Variants in LDB2 observed in about 807,000 individuals in gnomAD.
The protein encoded by LDB2 is LIM domain binding 2, also known as LIM domain-binding protein 2.
A neutral mutation model predicts 44.3 loss-of-function variants in LDB2; 12 were observed. The ratio of observed to expected loss-of-function variants is 0.27; its 90% CI spans 0.17 to 0.44. The LOEUF (loss-of-function observed/expected upper bound fraction) is 0.44. LDB2 is among the 20% of genes least tolerant of loss of function. The pLI is 1.00. For missense variants in LDB2, 344 were observed against 473.5 expected, an observed-to-expected ratio of 0.73 and a Z score of 2.54; for synonymous variants, 164 against 174.8, an observed-to-expected ratio of 0.94 and a Z score of 0.49.
chr4:16,716,458 T>C (rs951322266), intron 2 of LDB2, among the ~76,000 whole-genome samples: 3 of 152,202 alleles, frequency 2.0e-5, no homozygotes, highest in African/African-American at 7.2e-5. Flanking sequence ...CAGGCTCTGA[T>C]GTGGGAGCTA....
intron 3 of LDB2, among the ~76,000 whole-genome samples, chr4:16,592,453 G>T: frequency 8.9e-6 from 1 of 112,050 alleles, no homozygotes; most frequent in East Asian, 2.7e-4. Flanking sequence ...GCATTCATAT[G>T]CATTATACAT....
chr4:16,502,337 C>A lies in LDB2; in HGVS notation c.*306G>T. The A allele has an allele frequency of 3.0e-6, 1 of 333,784 alleles. No homozygotes were observed. The highest frequency in any genetic ancestry group is 5.6e-6 in the Non-Finnish European group (1 of 179,188). The allele number at this position is 333,784 out of a possible 1,614,324, so 20.7% of individuals were successfully genotyped here. On this transcript the variant is annotated 3_prime_UTR_variant, in exon 8 of 8. Coordinates refer to ENST00000304523, the MANE Select transcript of LDB2 (RefSeq NM_001290.5). ...TTTGATGCATAAAAAGGAAATTCAA[C>A]ACAAACACGTTGTTAAAACCGTGCC...
rs1172207169 is a variant in LDB2 at position 16,766,508 on chromosome 4, A to AT, written c.133-7249dup. ...TGTGTGTGTGTGTGTGTGTGTGTATATATTTTTTTTTTTTTGAGACAGAAT... is the reference window on the plus strand; with the variant it reads ...TGTGTGTGTGTGTGTGTGTGTGTATATTATTTTTTTTTTTTTGAGACAGAAT... On this transcript the variant is annotated intron_variant, in intron 1 of 7. Transcript: ENST00000304523. 3.3e-3 allele frequency among the ~76,000 whole-genome samples: 189 copies of AT among 57,032 alleles called. 3 individuals carry two copies. The highest frequency in any genetic ancestry group is 0.012 in the African/African-American group (180 of 15,574). 37.4% of individuals were successfully genotyped at this position (57,032 alleles called of 152,430 possible). A position where few individuals can be genotyped will look rare whatever the true frequency, so the allele number is the denominator to read the frequency against.
intron 2 of LDB2, among the ~76,000 whole-genome samples, chr4:16,693,109 G>A (rs1751186474): frequency 6.6e-6 from 1 of 152,158 alleles, no homozygotes; most frequent in Non-Finnish European, 1.5e-5. Flanking sequence ...CTTGGCTTCA[G>A]GCAGGATATT....
intron 2 of LDB2, among the ~76,000 whole-genome samples, chr4:16,678,066 C>T (rs1456526357): frequency 6.6e-6 from 1 of 152,144 alleles, no homozygotes; most frequent in African/African-American, 2.4e-5. Context: ...TTAGGACCAG[C>T]AGTAGATCAG....
At chr4:16,636,563 G>GTAA (rs1733660509) in intron 2 of LDB2, among the ~76,000 whole-genome samples, 1 of 152,234 alleles carries the variant, frequency 6.6e-6, no homozygotes, top group Admixed American at 6.5e-5. Context: ...GAGCCTTCAG[G>GTAA]CTGTATGACA....
chr4:16,725,985 C>A (rs1759366507), intron 2 of LDB2, among the ~76,000 whole-genome samples: 1 of 148,440 alleles, frequency 6.7e-6, no homozygotes, highest in Non-Finnish European at 1.5e-5. Context: ...CATAAAATAT[C>A]CATTATATAC....
rs1386094395 is a variant in LDB2 at position 16,508,634 on chromosome 4, G to T, written c.792C>A (p.Thr264=). Residue 264 remains threonine (T), a synonymous_variant, in exon 7 of 8, where the codon ACC becomes ACA. Coordinates refer to ENST00000304523, the MANE Select transcript of LDB2 (RefSeq NM_001290.5). ...CAGCGCTGCTGTTGGAAGTGCTGCTGGTGGAATTTTTCCTTTTTCTCCGTT... is the reference window on the plus strand; with the variant it reads ...CAGCGCTGCTGTTGGAAGTGCTGCTTGTGGAATTTTTCCTTTTTCTCCGTT... ...TTKRRKRKNS[T]SSTSNSSAGN... is the part of the protein sequence containing the mutation. 6.8e-6 allele frequency: 11 copies of T among 1,613,732 alleles called. No individual in the cohort carries two copies. Among genetic ancestry groups the T allele is most frequent in the Non-Finnish European group, 9.3e-6 (11 of 1,179,818 alleles).
chr4:16,800,626 T>C (rs980225242), intron 1 of LDB2, among the ~76,000 whole-genome samples: 2 of 152,230 alleles, frequency 1.3e-5, no homozygotes, highest in African/African-American at 4.8e-5. Context: ...TAGGGAGTCA[T>C]ATAAAATGAA....
At chr4:16,584,446 T>C (rs1408316973) in intron 5 of LDB2, among the ~76,000 whole-genome samples, 1 of 152,200 alleles carries the variant, frequency 6.6e-6, no homozygotes, top group East Asian at 1.9e-4. Context: ...CAAGTCCCAG[T>C]TCTGCCACTT....
intron 5 of LDB2, among the ~76,000 whole-genome samples, chr4:16,577,646 CA>C (rs1349457766): frequency 6.6e-6 from 1 of 152,076 alleles, no homozygotes; most frequent in Non-Finnish European, 1.5e-5. Flanking sequence ...CCATACTACC[CA>C]AAGCAATCTA....
chr4:16,872,082 C>G (rs1458187244), intron 1 of LDB2, among the ~76,000 whole-genome samples: 1 of 151,814 alleles, frequency 6.6e-6, no homozygotes, highest in Admixed American at 6.6e-5. Context: ...AAACTGTAAA[C>G]TATATATCTT....
At chr4:16,584,131 T>C (rs2152422934) in intron 5 of LDB2, among the ~76,000 whole-genome samples, 1 of 152,238 alleles carries the variant, frequency 6.6e-6, no homozygotes, top group East Asian at 1.9e-4. Flanking sequence ...CAAACAATGA[T>C]GGGTACACAG....
chr4:16,539,418 A>C (rs943203096), intron 5 of LDB2, among the ~76,000 whole-genome samples: 19 of 152,214 alleles, frequency 1.2e-4, no homozygotes, highest in African/African-American at 4.8e-5. Context: ...AAGGATAAGC[A>C]GGGACTTTAC....
intron 1 of LDB2, among the ~76,000 whole-genome samples, chr4:16,794,579 T>G (rs1776370288): frequency 6.6e-6 from 1 of 152,188 alleles, no homozygotes; most frequent in Non-Finnish European, 1.5e-5. Context: ...TCTCTGTACC[T>G]CAATCTCTTC....
chr4:16,621,266 A>G (rs904774979), intron 2 of LDB2, among the ~76,000 whole-genome samples: 44 of 152,320 alleles, frequency 2.9e-4, no homozygotes, highest in Non-Finnish European at 2.9e-5. Flanking sequence ...TTGACCTGGG[A>G]ACTTGGCAGC....
intron 2 of LDB2, among the ~76,000 whole-genome samples, chr4:16,690,844 T>C (rs978300047): frequency 6.6e-6 from 1 of 152,184 alleles, no homozygotes; most frequent in South Asian, 2.1e-4. Flanking sequence ...CATTGTTGAC[T>C]GAATTCTAGA....
At chr4:16,772,542 A>G (rs1770939708) in intron 1 of LDB2, among the ~76,000 whole-genome samples, 1 of 152,256 alleles carries the variant, frequency 6.6e-6, no homozygotes, top group African/African-American at 2.4e-5. Context: ...GGAACTTTCC[A>G]GAATCTTTAT....
In LDB2 at chr4:16,898,332, T is replaced by A. The variant is rs58917783; in HGVS notation, c.132+22A>T. The A allele has an allele frequency of 7.1e-4, 1,136 of 1,605,718 alleles. 9 individuals carry two copies. The African/African-American group carries it at 0.012, about 16-fold the overall frequency. ...AGCTTAACAAAAATACACAAACACA[T>A]CCCCAAGGTTGAAGTACTTACCTCT... On this transcript the variant is annotated intron_variant, in intron 1 of 7. Transcript: ENST00000304523.
Sources: allele counts gnomAD v4.1 joint callset (sites outside exome capture counted in the v4.1 genomes callset), GRCh38; gene constraint gnomAD v4.1.1; transcripts MANE v1.5; gene names NCBI Gene and HGNC (gene_info 2026-07-23, HGNC 2026-07-21).